PTPRZ1: variants seen among roughly 807,000 people sequenced by gnomAD.
PTPRZ1 encodes the protein receptor-type tyrosine-protein phosphatase zeta.
A neutral mutation model predicts 214.1 loss-of-function variants in PTPRZ1; 82 were observed. The ratio of observed to expected loss-of-function variants is 0.38; its 90% confidence interval spans 0.32 to 0.46. PTPRZ1 has a LOEUF of 0.46. Ranked by LOEUF, PTPRZ1 falls within the 20% of genes least tolerant of loss-of-function variation. The pLI is 1.00. For missense variants in PTPRZ1, 2,603 were observed against 2,748.7 expected (o/e 0.95, Z 1.19); for synonymous variants, 945 against 987.9 (o/e 0.96, Z 0.81).
At chr7:121,984,599 C>T (rs1797710764) in intron 8 of PTPRZ1, among the ~76,000 whole-genome samples, 1 of 152,146 alleles carries the variant, frequency 6.6e-6, no homozygotes, top group South Asian at 2.1e-4. Context: ...AAGTGCTCAT[C>T]TTTGTGTTGG....
chr7:121,936,601 C>G (rs1296249293), intron 2 of PTPRZ1, among the ~76,000 whole-genome samples: 1 of 152,012 alleles, frequency 6.6e-6, no homozygotes, highest in Non-Finnish European at 1.5e-5. Flanking sequence ...TCAAAAGTTA[C>G]GTTAAAGTAG....
Position 122,012,881 on chromosome 7 carries a change from T to C in PTPRZ1, c.3835T>C (p.Ser1279Pro). ...ACCAGTTTTGTTAAAAAGTGAAAGTTCCCACCAAGTGGTACCTTCTTTGTA... is the reference window on the plus strand; with the variant it reads ...ACCAGTTTTGTTAAAAAGTGAAAGTCCCCACCAAGTGGTACCTTCTTTGTA... ...YEPVLLKSES[S>P]HQVVPSLYSN... The change falls in exon 12 of 30, where the codon TCC becomes CCC. Residue 1279 changes from serine (S) to proline (P), a missense_variant. This residue lies in a region of PTPRZ1 where 1,913 missense variants were observed against 1,914.3 expected (regional missense o/e 1.00). Transcript: ENST00000393386. The C allele has an allele frequency of 6.2e-7, 1 of 1,614,160 alleles. No homozygotes were observed. Among genetic ancestry groups the C allele is most frequent in the Non-Finnish European group, 8.5e-7 (1 of 1,180,008 alleles).
At position 121,982,359 on chromosome 7, in the gene PTPRZ1, C is replaced by T. The variant is rs76945246; in HGVS notation, c.620-1306C>T. On this transcript the variant is annotated intron_variant, in intron 6 of 29. Coordinates refer to ENST00000393386, the MANE Select transcript of PTPRZ1 (RefSeq NM_002851.3). ...CAGCTTTATTATTTTTCAAGATTGT[C>T]TTAACTTTTCTTTGGATTTTTATTG... is the stretch of plus-strand genomic sequence containing the variant. Among the ~76,000 whole-genome samples, 517 of 152,150 alleles carry T rather than the reference C, an allele frequency of 3.4e-3. 4 individuals carry two copies. The highest frequency in any genetic ancestry group is 0.011 in the African/African-American group (471 of 41,520).
intron 2 of PTPRZ1, among the ~76,000 whole-genome samples, chr7:121,946,344 A>C (rs1477484601): frequency 1.3e-5 from 2 of 152,206 alleles, no homozygotes; most frequent in Non-Finnish European, 2.9e-5. Context: ...CCCAGTGAAT[A>C]TAATGAGAGA....
At chr7:122,052,011 A>C in intron 25 of PTPRZ1, 72 bp downstream of exon 25, 1 of 1,239,434 alleles carries the variant, frequency 8.1e-7, no homozygotes, top group Non-Finnish European at 1.1e-6. Context: ...GGGCTGCCAG[A>C]AGCAAAGACT....
chr7:121,936,898 A>G (rs1383333382), intron 2 of PTPRZ1, among the ~76,000 whole-genome samples: 2 of 152,174 alleles, frequency 1.3e-5, no homozygotes, highest in African/African-American at 2.4e-5. Flanking sequence ...AGAAACGAGC[A>G]AACATGCCTT....
At chr7:121,882,706 A>G (rs1189308663) in intron 1 of PTPRZ1, among the ~76,000 whole-genome samples, 1 of 152,186 alleles carries the variant, frequency 6.6e-6, no homozygotes, top group African/African-American at 2.4e-5. Context: ...AGAGCATAGG[A>G]TGGATTGAAG....
chr7:121,973,315 A>T (rs1162759789), intron 4 of PTPRZ1, among the ~76,000 whole-genome samples: 1 of 152,168 alleles, frequency 6.6e-6, no homozygotes, highest in African/African-American at 2.4e-5. Flanking sequence ...ATGTTTTTGA[A>T]TGATATATAT....
intron 13 of PTPRZ1, 67 bp downstream of exon 13, chr7:122,019,335 A>T: frequency 1.8e-5 from 26 of 1,425,364 alleles, no homozygotes; most frequent in Non-Finnish European, 2.5e-5. Flanking sequence ...ATTTCATCTG[A>T]AAGGTCTTCA....
chr7:122,041,008 C>A, intron 21 of PTPRZ1, 29 bp downstream of exon 21: 1 of 1,434,228 alleles, frequency 7.0e-7, no homozygotes, highest in South Asian at 1.7e-5. Flanking sequence ...CCTCTAAACC[C>A]ATAGAATTGC....
chr7:121,939,936 G>A (rs1353211467), intron 2 of PTPRZ1, among the ~76,000 whole-genome samples: 2 of 152,132 alleles, frequency 1.3e-5, no homozygotes, highest in African/African-American at 4.8e-5. Context: ...TTCAGATAAA[G>A]CATAAATAGG....
intron 6 of PTPRZ1, among the ~76,000 whole-genome samples, chr7:121,981,379 T>C (rs975167318): frequency 3.3e-5 from 5 of 151,872 alleles, no homozygotes; most frequent in African/African-American, 7.3e-5. Context: ...TTAACACCAC[T>C]GCTCTACACT....
At chr7:122,044,591 T>C (rs377002484) in intron 23 of PTPRZ1, 23 bp downstream of exon 23, 9 of 1,609,968 alleles carry the variant, frequency 5.6e-6, no homozygotes, top group Non-Finnish European at 7.6e-6. Context: ...GGAAGCCTCT[T>C]GGATGTCACT....
At chr7:121,987,529 T>C (rs193275905) in intron 8 of PTPRZ1, among the ~76,000 whole-genome samples, 2 of 152,176 alleles carry the variant, frequency 1.3e-5, no homozygotes, top group African/African-American at 2.4e-5. Flanking sequence ...CCACCAACAG[T>C]GTATAAGCAT....
chr7:121,879,382 T>C (rs768225242), intron 1 of PTPRZ1, among the ~76,000 whole-genome samples: 1 of 152,132 alleles, frequency 6.6e-6, no homozygotes, highest in Non-Finnish European at 1.5e-5. Context: ...TGGTCAGTAA[T>C]GAGTAAATAA....
chr7:121,986,765 C>A (rs894045892), intron 8 of PTPRZ1, among the ~76,000 whole-genome samples: 2 of 152,116 alleles, frequency 1.3e-5, no homozygotes, highest in African/African-American at 4.8e-5. Context: ...TCAAAATAGA[C>A]TCACTCATTT....
chr7:121,937,450 C>T lies in PTPRZ1; in HGVS notation c.124+9229C>T, dbSNP rs1796119145. 2.0e-5 allele frequency among the ~76,000 whole-genome samples: 3 copies of T among 152,248 alleles called. No individual in the cohort carries two copies. In the South Asian group the frequency reaches 6.2e-4, roughly 32 times the overall value. ...ACCTGGCGGCTCCCCTGGGGCCTTC[C>T]CCACCCAGAGTGTTCCTCTTTCTCA... On this transcript the variant is annotated intron_variant, in intron 2 of 29. Coordinates refer to ENST00000393386, the MANE Select transcript of PTPRZ1 (RefSeq NM_002851.3).
At chr7:121,974,478 G>T (rs1255255364) in intron 4 of PTPRZ1, among the ~76,000 whole-genome samples, 5 of 152,080 alleles carry the variant, frequency 3.3e-5, no homozygotes, top group African/African-American at 1.2e-4. Context: ...TGGTATTGGG[G>T]TTTTGTTGTT....
chr7:121,964,769 G>A, intron 2 of PTPRZ1, among the ~76,000 whole-genome samples: 1 of 152,160 alleles, frequency 6.6e-6, no homozygotes, highest in Non-Finnish European at 1.5e-5. Flanking sequence ...ATGCTTTTGA[G>A]GAGAGATTTG....
Sources: gnomAD v4.1 joint callset for allele counts (sites outside exome capture counted in the v4.1 genomes callset) on GRCh38, gnomAD v4.1.1 for gene constraint, gnomAD v4.1.1 regional missense constraint, MANE v1.5 for transcripts, NCBI Gene and HGNC (gene_info 2026-07-23, HGNC 2026-07-21) for gene names.